Variants in PCNT observed in about 807,000 individuals in gnomAD.
PCNT encodes the protein kendrin.
PCNT carries 319 observed loss-of-function variants against 380.4 expected under a neutral mutation model. The observed-to-expected ratio is 0.84, with a 90% CI of 0.77 to 0.92. The LOEUF is 0.92. Among genes scored for constraint, PCNT ranks in the 40% least tolerant of loss-of-function variants. The pLI is 0.00. For missense variants in PCNT, 4,400 were observed against 4,255.3 expected, an observed-to-expected ratio of 1.03 and a Z score of -0.95; for synonymous variants, 1,845 against 1,735.2, an observed-to-expected ratio of 1.06 and a Z score of -1.57.
Position 46,334,474 on chromosome 21 carries a change from G to A in PCNT, c.345G>A (p.Glu115=), listed in dbSNP as rs1296779192. ...QQKQVNDHPP[E]QCGMFTVSDH... is the part of the protein sequence containing the mutation. ...AGCAAGTCAATGACCATCCTCCAGA[G>A]CAGTGTGGGATGTTCACAGTCAGTG... The change falls in exon 3 of 47, where the codon GAG becomes GAA. Residue 115 remains glutamate (E), a synonymous_variant. Transcript: ENST00000359568. 15 of 1,614,042 alleles carry A rather than the reference G, an allele frequency of 9.3e-6. No individual in the cohort carries two copies. The highest frequency in any genetic ancestry group is 1.6e-4 in the Middle Eastern group (1 of 6,080).
chr21:46,398,813 T>TC (rs920093637), intron 24 of PCNT, among the ~76,000 whole-genome samples: 3 of 141,960 alleles, frequency 2.1e-5, no homozygotes, highest in African/African-American at 7.8e-5. Flanking sequence ...TCTTTTTTTT[T>TC]CTTTTTCTTT....
chr21:46,394,421 G>A (rs921301359), intron 21 of PCNT: 45 of 589,772 alleles, frequency 7.6e-5, no homozygotes, highest in South Asian at 2.2e-4. Context: ...TGCTGCTGAC[G>A]CTGCCGTCAC....
At chr21:46,411,094 C>A in intron 27 of PCNT, 95 bp from the exon 28 acceptor site, 1 of 1,286,346 alleles carries the variant, frequency 7.8e-7, no homozygotes, top group Non-Finnish European at 1.1e-6. Flanking sequence ...GGAGTCTTCA[C>A]TCCAAGAATG....
At chr21:46,374,849 CAAAAAA>C (rs760273140) in intron 15 of PCNT, among the ~76,000 whole-genome samples, 11 of 85,550 alleles carry the variant, frequency 1.3e-4, no homozygotes, top group African/African-American at 5.2e-4. Context: ...AACTTCGTCT[CAAAAAA>C]AAAAAAAAAA....
chr21:46,392,805 T>G (rs1376034317), intron 21 of PCNT, among the ~76,000 whole-genome samples: 2 of 152,214 alleles, frequency 1.3e-5, no homozygotes, highest in Admixed American at 1.3e-4. Flanking sequence ...TCATTCTCGT[T>G]TATCCCGTTC....
chr21:46,397,886 G>C (rs574744506), intron 22 of PCNT, 128 bp from the exon 23 acceptor site: 71 of 707,146 alleles, frequency 1.0e-4, no homozygotes, highest in Admixed American at 2.5e-4. Context: ...TGTGATGAGG[G>C]GGGTATTTGG....
chr21:46,330,377 C>G (rs2083518926), intron 2 of PCNT, among the ~76,000 whole-genome samples: 1 of 152,074 alleles, frequency 6.6e-6, no homozygotes, highest in African/African-American at 2.4e-5. Context: ...CCTCGGCCTC[C>G]CAAAGTGCTG....
chr21:46,427,559 C>G (rs537730055), intron 33 of PCNT, 63 bp from the exon 34 acceptor site: 4 of 1,604,064 alleles, frequency 2.5e-6, no homozygotes, highest in African/African-American at 2.7e-5. Flanking sequence ...ACACTGCGAA[C>G]TTTAGGGCAC....
intron 2 of PCNT, among the ~76,000 whole-genome samples, chr21:46,333,938 G>A (rs917367359): frequency 6.6e-6 from 1 of 151,992 alleles, no homozygotes; most frequent in South Asian, 2.1e-4. Flanking sequence ...CAGGTGTGGT[G>A]GCTCATGCCT....
chr21:46,431,438 C>T, intron 37 of PCNT, 91 bp from the exon 38 acceptor site: 4 of 1,605,502 alleles, frequency 2.5e-6, no homozygotes, highest in South Asian at 2.2e-5. Context: ...AATTGCTGGG[C>T]TAAAGTATAT....
Position 46,353,122 on chromosome 21 carries a change from T to G in PCNT, c.1475T>G (p.Leu492Arg). 6.2e-7 allele frequency: 1 copy of G among 1,613,976 alleles called. No homozygotes were observed. Among genetic ancestry groups the G allele is most frequent in the Non-Finnish European group, 8.5e-7 (1 of 1,179,990 alleles). Reference sequence around the variant, plus strand: ...GTTGCAGAGCTACATGAGCAACTCCTGGCGCGCACCTCTCGTGTGGAAGAT... The same window carrying G: ...GTTGCAGAGCTACATGAGCAACTCCGGGCGCGCACCTCTCGTGTGGAAGAT... ...QELSELHEQLLARTSRVEDLE... is the reference protein window; with the variant it reads ...QELSELHEQLRARTSRVEDLE... The change falls in exon 10 of 47, where the codon CTG becomes CGG. Residue 492 changes from leucine to arginine, a missense_variant. By Grantham distance (102) the Leu-to-Arg change is moderately radical. Coordinates refer to ENST00000359568, the MANE Select transcript of PCNT (RefSeq NM_006031.6).
intron 35 of PCNT, among the ~76,000 whole-genome samples, chr21:46,429,759 G>A (rs8131100): frequency 9.9e-5 from 15 of 152,228 alleles, no homozygotes; most frequent in African/African-American, 3.6e-4. Flanking sequence ...TTTTAGGATG[G>A]CCCCAGGGCT....
At chr21:46,422,227 C>T in intron 32 of PCNT, 103 bp downstream of exon 32, 1 of 1,438,108 alleles carries the variant, frequency 7.0e-7, no homozygotes, top group Non-Finnish European at 9.6e-7. Context: ...GGAGGGCCAG[C>T]TTTTCCTGGG....
At chr21:46,360,620 G>A (rs1400487962) in intron 13 of PCNT, among the ~76,000 whole-genome samples, 4 of 148,746 alleles carry the variant, frequency 2.7e-5, no homozygotes, top group South Asian at 4.3e-4. Flanking sequence ...CCAGGTTCAC[G>A]CCATTCTCCT....
chr21:46,346,939 T>C lies in PCNT; in HGVS notation c.917T>C (p.Leu306Pro). 1.3e-6 allele frequency: 2 copies of C among 1,598,728 alleles called. No homozygotes were observed. Among genetic ancestry groups the C allele is most frequent in the Non-Finnish European group, 1.7e-6 (2 of 1,174,432 alleles). ...AGGCAGCAGCACGAGCTGGAGCTCC[T>C]CAGGGAGCAGCACGCACGGGAGAAG... ...QSRQQHELEL[L>P]REQHAREKEE... Residue 306 changes from leucine (L) to proline (P), a missense_variant, in exon 5 of 47, where the codon CTC becomes CCC. Leu to Pro is a moderately conservative substitution (Grantham distance 98). Coordinates refer to ENST00000359568, the MANE Select transcript of PCNT (RefSeq NM_006031.6).
At chr21:46,346,611 CT>C in intron 4 of PCNT, 131 bp from the exon 5 acceptor site, 1 of 1,189,806 alleles carries the variant, frequency 8.4e-7, no homozygotes, top group South Asian at 1.3e-5. Context: ...TGTCCTGCCC[CT>C]GCTTCCACGG....
At chr21:46,383,543 A>G (rs574471779) in intron 16 of PCNT, among the ~76,000 whole-genome samples, 2 of 135,958 alleles carry the variant, frequency 1.5e-5, no homozygotes, top group East Asian at 4.8e-4. Flanking sequence ...GCGCATTCAC[A>G]GTGTTGTATA....
rs775918472 is a variant in PCNT, at chr21:46,346,804, A to T, written c.782A>T (p.Gln261Leu). The T allele has an allele frequency of 6.2e-7, 1 of 1,601,646 alleles. No homozygotes were observed. The highest frequency in any genetic ancestry group is 1.3e-5 in the African/African-American group (1 of 74,932). ...RLSLSNMHTA[Q>L]LELTQANLQK... Reference sequence around the variant, plus strand: ...AGTCTGAGCAACATGCACACGGCGCAGCTGGAGCTGACACAGGCCAACCTC... The same window carrying T: ...AGTCTGAGCAACATGCACACGGCGCTGCTGGAGCTGACACAGGCCAACCTC... Residue 261 changes from glutamine (Q) to leucine (L), a missense_variant, in exon 5 of 47, where the codon CAG becomes CTG. Gln to Leu is a moderately radical substitution (Grantham distance 113). Transcript: ENST00000359568.
rs763638710 is a variant in PCNT, at chr21:46,389,236, C to T, written c.3645C>T (p.Leu1215=). The part of the protein sequence containing the change: ...ALEETWSDVA[L]PELDRTLSEC... ...AGGAGACATGGTCTGATGTGGCCCT[C>T]CCGGAGTTGGACAGAACTTTGTCTG... The change falls in exon 19 of 47, where the codon CTC becomes CTT. Residue 1215 remains leucine, a synonymous_variant. Coordinates refer to ENST00000359568, the MANE Select transcript of PCNT (RefSeq NM_006031.6). 2 of 1,614,212 alleles carry T rather than the reference C, an allele frequency of 1.2e-6. No homozygotes were observed. The highest frequency in any genetic ancestry group is 1.7e-6 in the Non-Finnish European group (2 of 1,180,034).
Sources: allele counts gnomAD v4.1 joint callset (sites outside exome capture counted in the v4.1 genomes callset), GRCh38; gene constraint gnomAD v4.1.1; transcripts MANE v1.5; gene names NCBI Gene and HGNC (gene_info 2026-07-23, HGNC 2026-07-21).